The following DAPK2 variants were observed in gnomAD, a reference collection of about 807,000 sequenced individuals.
DAPK2 encodes death-associated protein kinase 2.
Under a neutral mutation model 44.1 loss-of-function variants are expected in DAPK2, and 35 were observed. That is an observed-to-expected ratio of 0.79 (90% CI 0.61 to 1.05). The LOEUF is 1.05. Among genes scored for constraint, DAPK2 ranks in the 50% least tolerant of loss-of-function variants. DAPK2 has a pLI of 0.00. For missense variants in DAPK2, 453 were observed against 483.2 expected (o/e 0.94, Z 0.59); for synonymous variants, 174 against 182.6 (o/e 0.95, Z 0.38).
At chr15:63,981,752 G>A (rs1297088616) in intron 2 of DAPK2, among the ~76,000 whole-genome samples, 1 of 151,684 alleles carries the variant, frequency 6.6e-6, no homozygotes, top group African/African-American at 2.4e-5. Flanking sequence ...TCAGGATGCC[G>A]ACTGCTGACC....
At chr15:63,981,298 G>C (rs1216026172) in intron 2 of DAPK2, among the ~76,000 whole-genome samples, 1 of 152,122 alleles carries the variant, frequency 6.6e-6, no homozygotes, top group Non-Finnish European at 1.5e-5. Context: ...CCATTAGCAA[G>C]AAGGTCCTAA....
At chr15:63,924,933 T>C (rs2079197533) in intron 7 of DAPK2, 72 bp from the exon 9 acceptor site, 8 of 1,536,478 alleles carry the variant, frequency 5.2e-6, no homozygotes, top group South Asian at 1.1e-5. Flanking sequence ...CCGTTCTCAC[T>C]CTTTTTAGAC....
At chr15:63,926,018 G>T in exon 7 of DAPK2, 1 of 1,614,166 alleles carries the variant, frequency 6.2e-7, no homozygotes, top group Non-Finnish European at 8.5e-7. Flanking sequence ...CCTCATCAAA[G>T]TCGTAACTCA....
chr15:63,977,241 T>C (rs1209529540), intron 2 of DAPK2, among the ~76,000 whole-genome samples: 1 of 152,160 alleles, frequency 6.6e-6, no homozygotes, highest in African/African-American at 2.4e-5. Context: ...GTGGCTGCCT[T>C]GGTGTTGGGG....
intron 1 of DAPK2, among the ~76,000 whole-genome samples, chr15:63,998,809 C>T (rs2079014436): frequency 6.6e-6 from 1 of 152,208 alleles, no homozygotes; most frequent in Non-Finnish European, 1.5e-5. Flanking sequence ...GCTGCTTGTT[C>T]ACTGTTGTGC....
intron 2 of DAPK2, 59 bp downstream of exon 3, chr15:63,983,474 C>T: frequency 6.5e-7 from 1 of 1,540,466 alleles, no homozygotes. Context: ...CTGGAGTTTC[C>T]ACTGCTCTGC....
At chr15:64,042,536 A>G (rs1048925873), upstream of DAPK2, among the ~76,000 whole-genome samples, 9 of 152,288 alleles carry the variant, frequency 5.9e-5, no homozygotes. This position sits in a 1 kb window ranked among gnomAD's most constrained non-coding sequence, Gnocchi z 4.7. Flanking sequence ...ATTTGCTGAG[A>G]GCAGGATTCA....
chr15:63,921,116 C>G (rs1052358507), intron 8 of DAPK2: 4 of 152,222 alleles, frequency 2.6e-5, no homozygotes, highest in Non-Finnish European at 5.9e-5. Context: ...CTCCGTGAGA[C>G]AGGAATCAGG....
At chr15:63,942,016 T>G (rs2140465639) in intron 3 of DAPK2, among the ~76,000 whole-genome samples, 1 of 152,324 alleles carries the variant, frequency 6.6e-6, no homozygotes, top group East Asian at 1.9e-4. Flanking sequence ...TCCCTGGGGC[T>G]GAAGGGCCAT....
chr15:63,999,864 G>A (rs2079038042), intron 1 of DAPK2, among the ~76,000 whole-genome samples: 1 of 151,928 alleles, frequency 6.6e-6, no homozygotes, highest in African/African-American at 2.4e-5. Flanking sequence ...CTCCTCGGCT[G>A]AAGCTCTCCT....
At chr15:63,969,255 C>CA (rs915063738) in intron 3 of DAPK2, among the ~76,000 whole-genome samples, 2 of 149,376 alleles carry the variant, frequency 1.3e-5, no homozygotes, top group Non-Finnish European at 3.0e-5. Context: ...CCCATTTATA[C>CA]AAAAAAATAC....
At chr15:63,979,292 A>G (rs1163855767) in intron 2 of DAPK2, among the ~76,000 whole-genome samples, 1 of 152,212 alleles carries the variant, frequency 6.6e-6, no homozygotes, top group Non-Finnish European at 1.5e-5. Context: ...TGCCTTCAAG[A>G]GTCACGACCA....
chr15:64,010,599 C>T (rs936785740), intron 1 of DAPK2, among the ~76,000 whole-genome samples: 1 of 152,216 alleles, frequency 6.6e-6, no homozygotes, highest in African/African-American at 2.4e-5. Flanking sequence ...AAAGTCCCCA[C>T]CCGCCTGCCT....
At chr15:63,925,842 G>C (rs1567207078) in intron 7 of DAPK2, 99 bp downstream of exon 8, 10 of 1,479,230 alleles carry the variant, frequency 6.8e-6, no homozygotes, top group African/African-American at 2.8e-5. Context: ...CAGTGCAGAT[G>C]ACAGCTATGT....
chr15:63,963,850 CACTTTA>C (rs1337019386), intron 3 of DAPK2, among the ~76,000 whole-genome samples: 2 of 152,232 alleles, frequency 1.3e-5, no homozygotes, highest in African/African-American at 4.8e-5. Flanking sequence ...AAAAACTCTA[CACTTTA>C]ACTTTCTCCC....
chr15:63,985,004 A>G (rs1341319613), intron 1 of DAPK2, among the ~76,000 whole-genome samples: 1 of 152,238 alleles, frequency 6.6e-6, no homozygotes, highest in Non-Finnish European at 1.5e-5. Context: ...TATGGCAGCC[A>G]CTTCAGAGAC....
chr15:63,965,253 T>G (rs1480429008), intron 3 of DAPK2, among the ~76,000 whole-genome samples: 1 of 152,128 alleles, frequency 6.6e-6, no homozygotes, highest in African/African-American at 2.4e-5. Flanking sequence ...TCCAGAAAAA[T>G]TATCTGGTTT....
chr15:63,930,902 T>A (rs987346937), intron 4 of DAPK2, among the ~76,000 whole-genome samples: 1 of 151,928 alleles, frequency 6.6e-6, no homozygotes, highest in Non-Finnish European at 1.5e-5. Flanking sequence ...CCACAAAACA[T>A]TTTTTAAAAT....
intron 5 of DAPK2, chr15:63,929,781 G>C (rs1398222797): frequency 5.8e-6 from 4 of 692,190 alleles, no homozygotes; most frequent in South Asian, 1.5e-5. Flanking sequence ...TCTGAACCCT[G>C]AGTCCGAAGA....
Sources: allele counts gnomAD v4.1 joint callset (sites outside exome capture counted in the v4.1 genomes callset), GRCh38; gene constraint gnomAD v4.1.1; non-coding constraint Gnocchi (gnomAD v3.1); transcripts MANE v1.5; gene names NCBI Gene and HGNC (gene_info 2026-07-23, HGNC 2026-07-21).